The following COL11A1 variants were observed in gnomAD, a reference collection of about 807,000 sequenced individuals.
The protein encoded by COL11A1 is collagen type XI alpha 1 chain, also known as collagen alpha-1(XI) chain.
COL11A1 carries 74 observed loss-of-function variants against 265.2 expected under a neutral mutation model. The ratio of observed to expected loss-of-function variants is 0.28; its 90% CI spans 0.23 to 0.34. The LOEUF (loss-of-function observed/expected upper bound fraction) is 0.34, where lower values mean the gene tolerates loss of function less well. COL11A1 is among the 10% of genes least tolerant of loss of function. The probability of loss-of-function intolerance (pLI) is 1.00; values close to 1 mark genes in which losing one functional copy is unlikely to be tolerated. For synonymous variants in COL11A1, 816 were observed against 727.6 expected, an observed-to-expected ratio of 1.12 and a Z score of -1.96; for missense variants, 2,165 against 2,263.6, an observed-to-expected ratio of 0.96 and a Z score of 0.88.
intron 57 of COL11A1, 128 bp from the exon 58 acceptor site, chr1:102,890,632 T>C (rs1651648729): frequency 3.1e-6 from 2 of 645,834 alleles, no homozygotes; most frequent in South Asian, 5.0e-5. Flanking sequence ...TGATTAATGT[T>C]GCTTTATTTT....
chr1:102,923,601 T>C (rs1656239478), intron 46 of COL11A1, among the ~76,000 whole-genome samples: 1 of 152,076 alleles, frequency 6.6e-6, no homozygotes, highest in South Asian at 2.1e-4. Context: ...ATTTATGTTT[T>C]GTATAATATT....
chr1:103,025,628 A>G lies in COL11A1; in HGVS notation c.898-15T>C, dbSNP rs200242905. 1.3e-4 allele frequency: 213 copies of G among 1,608,172 alleles called. 2 individuals are homozygous for G. The highest frequency in any genetic ancestry group is 4.2e-4 in the Admixed American group (25 of 59,988). On this transcript the variant is annotated splice_polypyrimidine_tract_variant and intron_variant, in intron 6 of 66. Transcript: ENST00000370096. Reference sequence around the variant, plus strand: ...ACGATGTTTGCCTAATGGTAAATTCAGAAGAGAATTAGTAAACATGTAAGG... The same window carrying G: ...ACGATGTTTGCCTAATGGTAAATTCGGAAGAGAATTAGTAAACATGTAAGG...
chr1:103,105,641 T>G (rs1409800356), intron 1 of COL11A1, among the ~76,000 whole-genome samples: 1 of 152,138 alleles, frequency 6.6e-6, no homozygotes, highest in East Asian at 1.9e-4. Flanking sequence ...ATGAAATCAA[T>G]GTCATAGTAT....
chr1:102,925,836 G>A (rs1448632066), intron 46 of COL11A1, among the ~76,000 whole-genome samples: 1 of 151,938 alleles, frequency 6.6e-6, no homozygotes, highest in Non-Finnish European at 1.5e-5. Context: ...AGCATACACT[G>A]CAACTTAAAC....
At chr1:103,071,274 A>G (rs1454341428) in intron 4 of COL11A1, among the ~76,000 whole-genome samples, 1 of 151,932 alleles carries the variant, frequency 6.6e-6, no homozygotes, top group Non-Finnish European at 1.5e-5. Flanking sequence ...AGAAATAATG[A>G]TGTTTTGAAA....
At chr1:103,107,540 C>A (rs1432091549) in intron 1 of COL11A1, among the ~76,000 whole-genome samples, 3 of 148,770 alleles carry the variant, frequency 2.0e-5, no homozygotes. Context: ...TAGATTCACC[C>A]CCCTGGTTTC....
intron 5 of COL11A1, among the ~76,000 whole-genome samples, chr1:103,026,997 C>A (rs957306507): frequency 2.6e-5 from 4 of 151,764 alleles, no homozygotes; most frequent in Non-Finnish European, 5.9e-5. Context: ...TTAAAAGATT[C>A]AAAATTAGAT....
At chr1:103,083,391 A>G (rs1672593425) in intron 1 of COL11A1, among the ~76,000 whole-genome samples, 1 of 151,580 alleles carries the variant, frequency 6.6e-6, no homozygotes, top group Non-Finnish European at 1.5e-5. Context: ...TAATAACATT[A>G]TGTAGAATTA....
chr1:103,031,173 T>C lies in COL11A1; in HGVS notation c.723A>G (p.Pro241=). 6.2e-7 allele frequency: 1 copy of C among 1,612,650 alleles called. No individual in the cohort carries two copies. The highest frequency in any genetic ancestry group is 1.3e-5 in the African/African-American group (1 of 74,886). ...AAYDYCEHYS[P]DCDSSAPKAA... ...CCTTGGGTGCTGAAGAGTCACAGTC[T>C]GGACTATAATGCTCACAGTAGTCAT... The change falls in exon 5 of 67, where the codon CCA becomes CCG. Residue 241 remains proline, a synonymous_variant. Coordinates refer to ENST00000370096, the MANE Select transcript of COL11A1 (RefSeq NM_001854.4).
At position 103,031,086 on chromosome 1, in the gene COL11A1, G is replaced by A. The variant is rs989794852; in HGVS notation, c.780+30C>T. 37 of 1,611,446 alleles carry A rather than the reference G, an allele frequency of 2.3e-5. No homozygotes were observed. In the Admixed American group the frequency reaches 5.7e-4, roughly 25 times the overall value. ...TGCGATGTCCATATCACTGAAATAC[G>A]AAGACCTTCTCTGGTCTTGTGCTCC... On this transcript the variant is annotated intron_variant, in intron 5 of 66. Coordinates refer to ENST00000370096, the MANE Select transcript of COL11A1 (RefSeq NM_001854.4).
rs190572780 is a variant in COL11A1 at position 103,104,201 on chromosome 1, T to C, written c.106+3872A>G. Among the ~76,000 whole-genome samples, 798 of 152,158 alleles carry C rather than the reference T, an allele frequency of 5.2e-3. 8 individuals carry two copies. The highest frequency in any genetic ancestry group is 0.018 in the African/African-American group (765 of 41,536). On this transcript the variant is annotated intron_variant, in intron 1 of 66. Coordinates refer to ENST00000370096, the MANE Select transcript of COL11A1 (RefSeq NM_001854.4). ...CAGAGACTCTCAACCAAACTTGATT[T>C]AAATCCTTGTTATCATGAAATAGCC... is the stretch of plus-strand genomic sequence containing the variant.
At chr1:102,984,377 A>G (rs1239967971) in intron 30 of COL11A1, among the ~76,000 whole-genome samples, 186 bp from the exon 31 acceptor site, 1 of 152,072 alleles carries the variant, frequency 6.6e-6, no homozygotes, top group Non-Finnish European at 1.5e-5. Context: ...TGCTTTGAAC[A>G]TATTTCTAAT....
intron 44 of COL11A1, among the ~76,000 whole-genome samples, chr1:102,938,688 A>C (rs1658404384): frequency 6.6e-6 from 1 of 152,152 alleles, no homozygotes; most frequent in Non-Finnish European, 1.5e-5. Flanking sequence ...ATAAGTGACC[A>C]ATTTGTATAC....
intron 55 of COL11A1, 41 bp downstream of exon 55, chr1:102,898,900 A>T: frequency 1.0e-6 from 1 of 1,001,208 alleles, no homozygotes; most frequent in South Asian, 2.7e-5. Context: ...TTGTATATAT[A>T]ATATATAATA....
chr1:103,097,969 G>A (rs137993531), intron 1 of COL11A1, among the ~76,000 whole-genome samples: 4 of 151,918 alleles, frequency 2.6e-5, no homozygotes, highest in Admixed American at 6.6e-5. Context: ...AGCAAAAATG[G>A]CATCACAACT....
rs371610381 is a variant in COL11A1, at chr1:103,002,740, T to C, written c.2043+7A>G. 1 of 1,610,776 alleles carries C rather than the reference T, an allele frequency of 6.2e-7. No individual in the cohort carries two copies. Among genetic ancestry groups the C allele is most frequent in the Non-Finnish European group, 8.5e-7 (1 of 1,177,102 alleles). ...TATGAGTTATTTTATCACTATTTGC[T>C]ACATACCATGTTCCCTTTTGGTCCT... is the stretch of plus-strand genomic sequence containing the variant. On this transcript the variant is annotated splice_region_variant and intron_variant, in intron 22 of 66. Transcript: ENST00000370096.
At chr1:103,064,300 G>A (rs1670904016) in intron 4 of COL11A1, among the ~76,000 whole-genome samples, 1 of 152,076 alleles carries the variant, frequency 6.6e-6, no homozygotes, top group South Asian at 2.1e-4. Context: ...AAGCAACCAA[G>A]ATGTCTTTTA....
At chr1:102,965,579 A>G (rs370383407) in intron 37 of COL11A1, 39 bp from the exon 38 acceptor site, 89 of 1,558,052 alleles carry the variant, frequency 5.7e-5, no homozygotes, top group East Asian at 3.8e-4. Context: ...GCTACATACA[A>G]CACAAAGCAT....
At chr1:102,989,845 C>T (rs905156302) in intron 28 of COL11A1, among the ~76,000 whole-genome samples, 1 of 152,004 alleles carries the variant, frequency 6.6e-6, no homozygotes, top group Non-Finnish European at 1.5e-5. Context: ...AGGGAAATAA[C>T]CATTCTCCCA....
Sources: allele counts gnomAD v4.1 joint callset (sites outside exome capture counted in the v4.1 genomes callset), GRCh38; gene constraint gnomAD v4.1.1; transcripts MANE v1.5; gene names NCBI Gene and HGNC (gene_info 2026-07-23, HGNC 2026-07-21).